HECW1: variants seen among roughly 807,000 people sequenced by gnomAD.
The protein encoded by HECW1 is HECT, C2 and WW domain containing E3 ubiquitin protein ligase 1.
In HECW1, 61 loss-of-function variants were observed where a neutral mutation model predicts 182.3. The ratio of observed to expected loss-of-function variants is 0.33; its 90% confidence interval spans 0.27 to 0.41. The LOEUF is 0.41. Ranked by LOEUF, HECW1 falls within the 10% of genes least tolerant of loss-of-function variation. The pLI, the probability that HECW1 is intolerant of heterozygous loss-of-function variation, is 1.00. For synonymous variants in HECW1, 859 were observed against 832.6 expected, an observed-to-expected ratio of 1.03 and a Z score of -0.55; for missense variants, 1,739 against 2,108.9, an observed-to-expected ratio of 0.82 and a Z score of 3.44.
intron 2 of HECW1, among the ~76,000 whole-genome samples, chr7:43,189,374 A>G (rs1019769518): frequency 3.5e-5 from 5 of 143,122 alleles, no homozygotes; most frequent in East Asian, 3.9e-4. Context: ...CGATAGGGAC[A>G]TTGCTGGTCC....
At chr7:43,430,778 C>CA (rs1554410925) in intron 8 of HECW1, among the ~76,000 whole-genome samples, 53 of 35,558 alleles carry the variant, frequency 1.5e-3, no homozygotes, top group African/African-American at 3.5e-3. Context: ...TTTTATTTTT[C>CA]TTTATTATTA....
chr7:43,403,926 C>A (rs1024769201), intron 7 of HECW1, among the ~76,000 whole-genome samples: 21 of 152,208 alleles, frequency 1.4e-4, no homozygotes, highest in Middle Eastern at 3.4e-3. Context: ...ATATGTCTAT[C>A]ACCAGAACCA....
chr7:43,141,237 G>T (rs373493153), intron 2 of HECW1, among the ~76,000 whole-genome samples: 1 of 152,132 alleles, frequency 6.6e-6, no homozygotes, highest in South Asian at 2.1e-4. Context: ...ACTGAGTGGG[G>T]TCATTAGGAA....
chr7:43,450,198 A>G (rs149883988), intron 11 of HECW1, among the ~76,000 whole-genome samples: 45 of 151,998 alleles, frequency 3.0e-4, no homozygotes, highest in African/African-American at 1.1e-3. Context: ...TTTCTCCTCA[A>G]AATAATCTGG....
chr7:43,456,199 G>A (rs907797029), intron 12 of HECW1, 98 bp from the exon 13 acceptor site: 40 of 1,259,194 alleles, frequency 3.2e-5, no homozygotes, highest in Non-Finnish European at 4.1e-5. Flanking sequence ...TGAACCAATG[G>A]TGAGTTCTAC....
At chr7:43,406,333 T>C (rs908302046) in intron 7 of HECW1, among the ~76,000 whole-genome samples, 1 of 152,224 alleles carries the variant, frequency 6.6e-6, no homozygotes, top group Admixed American at 6.5e-5. Context: ...CATTTGGTGG[T>C]CATTTTGAAT....
intron 9 of HECW1, among the ~76,000 whole-genome samples, chr7:43,441,387 T>C (rs545464826): frequency 2.0e-5 from 3 of 152,282 alleles, no homozygotes; most frequent in Non-Finnish European, 2.9e-5. Context: ...TGCCATTCTG[T>C]AGCGCCCACA....
At chr7:43,500,121 G>A (rs1174488238) in intron 19 of HECW1, among the ~76,000 whole-genome samples, 2 of 144,864 alleles carry the variant, frequency 1.4e-5, no homozygotes, top group Admixed American at 6.9e-5. Context: ...TTTTTTTTGA[G>A]ATGAAGTCTT....
At chr7:43,469,892 G>A (rs765729004) in intron 16 of HECW1, among the ~76,000 whole-genome samples, 33 of 152,102 alleles carry the variant, frequency 2.2e-4, no homozygotes, top group Non-Finnish European at 7.4e-5. Context: ...TGTGAACATG[G>A]GCCTGCAAAG....
chr7:43,403,933 AC>A (rs2075515259), intron 7 of HECW1, among the ~76,000 whole-genome samples: 1 of 152,222 alleles, frequency 6.6e-6, no homozygotes, highest in African/African-American at 2.4e-5. Context: ...TATCACCAGA[AC>A]CAAAAAATAC....
chr7:43,402,941 T>C (rs2075476018), intron 7 of HECW1, among the ~76,000 whole-genome samples: 1 of 152,230 alleles, frequency 6.6e-6, no homozygotes, highest in Non-Finnish European at 1.5e-5. Flanking sequence ...AAGATTTATT[T>C]ACAAATATAT....
At chr7:43,140,372 C>T (rs929851873) in intron 2 of HECW1, among the ~76,000 whole-genome samples, 4 of 152,126 alleles carry the variant, frequency 2.6e-5, no homozygotes, top group African/African-American at 9.7e-5. Context: ...GACTGTGCCC[C>T]CTCGTAAGTC....
chr7:43,323,349 T>C (rs1298735383), intron 5 of HECW1, among the ~76,000 whole-genome samples: 1 of 152,168 alleles, frequency 6.6e-6, no homozygotes, highest in Non-Finnish European at 1.5e-5. Flanking sequence ...TAATCCCAGC[T>C]TTGGGAGGCC....
chr7:43,143,614 C>T (rs1788399431), intron 2 of HECW1, among the ~76,000 whole-genome samples: 1 of 152,142 alleles, frequency 6.6e-6, no homozygotes, highest in African/African-American at 2.4e-5. Context: ...CCAGCTCTCA[C>T]TCCCCAGGAT....
At chr7:43,215,529 C>T (rs935535542) in intron 2 of HECW1, among the ~76,000 whole-genome samples, 2 of 152,194 alleles carry the variant, frequency 1.3e-5, no homozygotes, top group Non-Finnish European at 2.9e-5. Context: ...AAGGTTAAAT[C>T]GTTAACAAAT....
chr7:43,129,927 G>C (rs1355189244), intron 2 of HECW1, among the ~76,000 whole-genome samples: 1 of 152,176 alleles, frequency 6.6e-6, no homozygotes, highest in Non-Finnish European at 1.5e-5. Context: ...ATATTGTTTA[G>C]GGAGTAATGA....
chr7:43,189,695 C>T (rs575080133), intron 2 of HECW1, among the ~76,000 whole-genome samples: 1 of 152,184 alleles, frequency 6.6e-6, no homozygotes, highest in South Asian at 2.1e-4. Context: ...TTAAGTGATT[C>T]ATTACATAAG....
chr7:43,374,874 T>C (rs1490731044), intron 6 of HECW1, among the ~76,000 whole-genome samples: 2 of 151,644 alleles, frequency 1.3e-5, no homozygotes, highest in East Asian at 3.9e-4. Flanking sequence ...CTAATTAAAA[T>C]TGAAATTCTT....
chr7:43,434,559 C>T (rs1013004963), intron 8 of HECW1, among the ~76,000 whole-genome samples: 31 of 152,318 alleles, frequency 2.0e-4, no homozygotes, highest in African/African-American at 7.2e-4. Context: ...TGGCTTGAGG[C>T]TCATGGGTGC....
Sources: gnomAD v4.1 joint callset for allele counts (sites outside exome capture counted in the v4.1 genomes callset) on GRCh38, gnomAD v4.1.1 for gene constraint, MANE v1.5 for transcripts, NCBI Gene and HGNC (gene_info 2026-07-23, HGNC 2026-07-21) for gene names.